Variants in MEI4 observed in about 807,000 individuals in gnomAD.
MEI4 encodes meiosis-specific protein MEI4.
MEI4 carries 27 observed loss-of-function variants against 31.4 expected under a neutral mutation model. That is an observed-to-expected ratio of 0.86 (90% CI 0.63 to 1.19). MEI4 has a LOEUF of 1.19. Among genes scored for constraint, MEI4 ranks in the 50% most tolerant of loss-of-function variants. The probability of loss-of-function intolerance (pLI) is 0.00; values close to 1 mark genes in which losing one functional copy is unlikely to be tolerated. For synonymous variants in MEI4, 122 were observed against 145.4 expected (o/e 0.84, Z 1.16); for missense variants, 329 against 398.9 (o/e 0.82, Z 1.49).
chr6:77,919,263 G>T (rs979342844), intron 4 of MEI4, among the ~76,000 whole-genome samples: 1 of 151,924 alleles, frequency 6.6e-6, no homozygotes, highest in African/African-American at 2.4e-5. Flanking sequence ...GCTCTCCTCA[G>T]CATATGTAAA....
At chr6:77,889,027 G>C (rs1051888348) in intron 4 of MEI4, among the ~76,000 whole-genome samples, 1 of 152,110 alleles carries the variant, frequency 6.6e-6, no homozygotes, top group African/African-American at 2.4e-5. Flanking sequence ...CAGCCCTGTA[G>C]AACTGTGAGT....
Position 77,924,180 on chromosome 6 carries a change from A to G in MEI4, c.*834A>G, listed in dbSNP as rs1182758649. On this transcript the variant is annotated 3_prime_UTR_variant, in exon 5 of 5. Coordinates refer to ENST00000684080, the MANE Select transcript of MEI4 (RefSeq NM_001322247.2). ...TTTCAATGATTAAAATCATAACCGCAAACTTAATGAGCATATGTTACATTT... is the reference window on the plus strand; with the variant it reads ...TTTCAATGATTAAAATCATAACCGCGAACTTAATGAGCATATGTTACATTT... 6 of 151,854 alleles carry G rather than the reference A, an allele frequency of 4.0e-5. No individual in the cohort carries two copies. Among genetic ancestry groups the G allele is most frequent in the Non-Finnish European group, 8.8e-5 (6 of 67,870 alleles). 9.4% of individuals were successfully genotyped at this position (151,854 alleles called of 1,614,324 possible). A position where few individuals can be genotyped will look rare whatever the true frequency, so the allele number is the denominator to read the frequency against.
rs140380598 is a variant in MEI4 at position 77,866,904 on chromosome 6, T to C, written c.900+37842T>C. On this transcript the variant is annotated intron_variant, in intron 4 of 4. Coordinates refer to ENST00000684080, the MANE Select transcript of MEI4 (RefSeq NM_001322247.2). ...AGACCAATGGAACAGAACAGAGCTC[T>C]CAGAAATAATGCCGCATATCTACAA... Among the ~76,000 whole-genome samples the C allele has an allele frequency of 6.1e-3, 926 of 152,206 alleles. 7 individuals carry two copies. The highest frequency in any genetic ancestry group is 0.02 in the African/African-American group (840 of 41,534).
At chr6:77,764,001 A>G (rs1324710796) in intron 3 of MEI4, among the ~76,000 whole-genome samples, 1 of 151,994 alleles carries the variant, frequency 6.6e-6, no homozygotes, top group Non-Finnish European at 1.5e-5. Flanking sequence ...TTTAGTAGAG[A>G]TGGGGTTTCA....
intron 1 of MEI4, among the ~76,000 whole-genome samples, chr6:77,679,071 C>T (rs1409008613): frequency 6.6e-6 from 1 of 151,594 alleles, no homozygotes; most frequent in Non-Finnish European, 1.5e-5. Context: ...AAAAAAAAGT[C>T]AAAAAGTTAA....
intron 4 of MEI4, among the ~76,000 whole-genome samples, chr6:77,908,505 A>C (rs1766352167): frequency 6.6e-6 from 1 of 152,154 alleles, no homozygotes; most frequent in Non-Finnish European, 1.5e-5. Context: ...CCATTGGTCT[A>C]TATCTCTGTT....
intron 2 of MEI4, among the ~76,000 whole-genome samples, chr6:77,708,377 A>C (rs1380948144): frequency 6.6e-6 from 1 of 152,216 alleles, no homozygotes; most frequent in Non-Finnish European, 1.5e-5. Flanking sequence ...GTACCATACA[A>C]TGTTGGAAGT....
chr6:77,836,840 G>A (rs560362861), intron 4 of MEI4, among the ~76,000 whole-genome samples: 2 of 152,054 alleles, frequency 1.3e-5, no homozygotes, highest in Non-Finnish European at 2.9e-5. Flanking sequence ...ATTATAATTT[G>A]CATCAAACTG....
intron 2 of MEI4, among the ~76,000 whole-genome samples, chr6:77,700,379 T>G (rs922322943): frequency 6.6e-6 from 1 of 152,194 alleles, no homozygotes; most frequent in African/African-American, 2.4e-5. Flanking sequence ...TCCGTGGGTG[T>G]AGGACCCTCC....
rs1224903264 is a variant in MEI4 at position 77,898,578 on chromosome 6, G to GA, written c.901-24505dup. 1.1e-4 allele frequency among the ~76,000 whole-genome samples: 17 copies of GA among 152,080 alleles called. No homozygotes were observed. In the East Asian group the frequency reaches 1.9e-3, roughly 17 times the overall value. On this transcript the variant is annotated intron_variant, in intron 4 of 4. Transcript: ENST00000684080. ...TCACTTATTGCCTTTGTAGTAGTAAGAAAAAATGTTGCTTTGTGCTTTTAC... is the reference window on the plus strand; with the variant it reads ...TCACTTATTGCCTTTGTAGTAGTAAGAAAAAAATGTTGCTTTGTGCTTTTAC...
chr6:77,695,071 G>A (rs1382834487), intron 2 of MEI4, among the ~76,000 whole-genome samples: 1 of 152,214 alleles, frequency 6.6e-6, no homozygotes, highest in East Asian at 1.9e-4. Flanking sequence ...CTTTTGAGAA[G>A]TGTCTGTTCG....
intron 4 of MEI4, among the ~76,000 whole-genome samples, chr6:77,859,627 G>A (rs1430449316): frequency 1.3e-5 from 2 of 152,076 alleles, no homozygotes; most frequent in East Asian, 3.9e-4. Flanking sequence ...GTGATGTTGA[G>A]CTTTTTTTCA....
chr6:77,786,420 G>A lies in MEI4; in HGVS notation c.768+24755G>A, dbSNP rs192700122. Among the ~76,000 whole-genome samples the A allele has an allele frequency of 2.1e-4, 32 of 152,204 alleles. No homozygotes were observed. The East Asian group carries it at 6.2e-3, about 29-fold the overall frequency. On this transcript the variant is annotated intron_variant, in intron 3 of 4. Transcript: ENST00000684080. ...TTAAAGGAATCTAAGTGGGGATCAT[G>A]TATGTCAAGAAAAACTAACATTGCT...
chr6:77,791,669 C>T (rs902863282), intron 3 of MEI4, among the ~76,000 whole-genome samples: 1 of 135,212 alleles, frequency 7.4e-6, no homozygotes, highest in African/African-American at 2.6e-5. Context: ...TACCCTAAAA[C>T]TTAAAGTATA....
chr6:77,884,149 A>T (rs1448354752), intron 4 of MEI4, among the ~76,000 whole-genome samples: 1 of 152,056 alleles, frequency 6.6e-6, no homozygotes, highest in African/African-American at 2.4e-5. Context: ...GCCCACTTGT[A>T]TGTCTTCTCT....
At chr6:77,736,416 C>T (rs1561965755) in intron 2 of MEI4, among the ~76,000 whole-genome samples, 1 of 152,070 alleles carries the variant, frequency 6.6e-6, no homozygotes, top group Admixed American at 6.5e-5. Context: ...ATCTGTCACC[C>T]CTTTCTTTGA....
chr6:77,905,031 ATT>A (rs1766262401), intron 4 of MEI4, among the ~76,000 whole-genome samples: 1 of 152,036 alleles, frequency 6.6e-6, no homozygotes, highest in Admixed American at 6.6e-5. Flanking sequence ...TAATAGCATC[ATT>A]TTCTTACCTT....
At chr6:77,712,840 G>A (rs1766496897) in intron 2 of MEI4, among the ~76,000 whole-genome samples, 1 of 151,924 alleles carries the variant, frequency 6.6e-6, no homozygotes. Flanking sequence ...GTGTGGTGGT[G>A]GGCGCCTGTA....
chr6:77,808,439 AC>A (rs1769493574), intron 3 of MEI4, among the ~76,000 whole-genome samples: 1 of 152,182 alleles, frequency 6.6e-6, no homozygotes, highest in Admixed American at 6.5e-5. Context: ...AGAGGTATAG[AC>A]TAGAAATCAG....
Sources: allele counts gnomAD v4.1 joint callset (sites outside exome capture counted in the v4.1 genomes callset), GRCh38; gene constraint gnomAD v4.1.1; transcripts MANE v1.5; gene names NCBI Gene and HGNC (gene_info 2026-07-23, HGNC 2026-07-21).